ULK4: variants seen among roughly 807,000 people sequenced by gnomAD.
ULK4 encodes the protein inactive serine/threonine-protein kinase ULK4.
ULK4 carries 133 observed loss-of-function variants against 160.6 expected under a neutral mutation model. That is an observed-to-expected ratio of 0.83 (90% CI 0.72 to 0.96). ULK4 has a LOEUF of 0.96. Among genes scored for constraint, ULK4 ranks in the 40% least tolerant of loss-of-function variants. ULK4 has a pLI of 0.00. For missense variants in ULK4, 1,580 were observed against 1,499.5 expected, an observed-to-expected ratio of 1.05 and a Z score of -0.89; for synonymous variants, 534 against 539.8, an observed-to-expected ratio of 0.99 and a Z score of 0.15.
At chr3:41,480,483 C>T (rs987027384) in intron 32 of ULK4, among the ~76,000 whole-genome samples, 2 of 152,202 alleles carry the variant, frequency 1.3e-5, no homozygotes, top group South Asian at 2.1e-4. Flanking sequence ...GCAAAACCAA[C>T]CTCTCCTCTT....
At chr3:41,511,052 A>G (rs2125924004) in intron 32 of ULK4, among the ~76,000 whole-genome samples, 1 of 151,798 alleles carries the variant, frequency 6.6e-6, no homozygotes, top group South Asian at 2.1e-4. Context: ...AGTCCCAGCT[A>G]CTCGGGAGGC....
intron 4 of ULK4, 32 bp downstream of exon 4, chr3:41,935,769 C>A: frequency 6.3e-7 from 1 of 1,584,978 alleles, no homozygotes; most frequent in Admixed American, 1.8e-5. Context: ...GAGACAGAAG[C>A]AGTTAGAAAA....
intron 16 of ULK4, among the ~76,000 whole-genome samples, chr3:41,885,902 TC>T (rs1340052676): frequency 6.6e-6 from 1 of 152,114 alleles, no homozygotes; most frequent in Admixed American, 6.5e-5. Flanking sequence ...GGTGTTGAAC[TC>T]CTGAGCTCAA....
intron 2 of ULK4, among the ~76,000 whole-genome samples, chr3:41,952,702 A>G (rs1279220309): frequency 1.3e-5 from 2 of 152,226 alleles, no homozygotes; most frequent in Non-Finnish European, 2.9e-5. Flanking sequence ...TAGGACCAGC[A>G]ATTCCACTTC....
intron 14 of ULK4, 92 bp downstream of exon 14, chr3:41,898,336 TTTAG>T (rs753004965): frequency 5.3e-6 from 4 of 750,150 alleles, no homozygotes; most frequent in Non-Finnish European, 6.5e-6. Context: ...ACAAAATAAA[TTTAG>T]TTATTCACAT....
At chr3:41,731,494 GGA>G (rs2037820377) in intron 22 of ULK4, among the ~76,000 whole-genome samples, 1 of 151,896 alleles carries the variant, frequency 6.6e-6, no homozygotes. Context: ...ACAAGTAAAT[GGA>G]AAGATACTCC....
At chr3:41,516,802 T>C (rs965977694) in intron 32 of ULK4, among the ~76,000 whole-genome samples, 1 of 152,104 alleles carries the variant, frequency 6.6e-6, no homozygotes, top group African/African-American at 2.4e-5. Context: ...TCAATAATAA[T>C]TGTTTATTTT....
chr3:41,956,979 T>C (rs182001351), intron 1 of ULK4, among the ~76,000 whole-genome samples: 2 of 152,336 alleles, frequency 1.3e-5, no homozygotes, highest in Non-Finnish European at 2.9e-5. Flanking sequence ...ACTTCATCCT[T>C]CACCTAAGGT....
intron 30 of ULK4, among the ~76,000 whole-genome samples, chr3:41,658,639 A>G (rs2035027683): frequency 6.6e-6 from 1 of 152,114 alleles, no homozygotes; most frequent in Non-Finnish European, 1.5e-5. Context: ...CACAGATAGT[A>G]TATGAATTAC....
intron 35 of ULK4, among the ~76,000 whole-genome samples, chr3:41,304,697 A>T (rs1033124143): frequency 6.6e-6 from 1 of 152,252 alleles, no homozygotes; most frequent in Admixed American, 6.5e-5. Context: ...GTAGGAAGGC[A>T]GTGATACTGC....
chr3:41,686,350 T>C (rs750299393), intron 27 of ULK4, among the ~76,000 whole-genome samples: 2 of 152,212 alleles, frequency 1.3e-5, no homozygotes, highest in Non-Finnish European at 2.9e-5. Flanking sequence ...CAGGGTTTCT[T>C]GGAAGAGGAA....
chr3:41,335,655 T>C (rs1575443488), intron 35 of ULK4, among the ~76,000 whole-genome samples: 2 of 151,958 alleles, frequency 1.3e-5, no homozygotes, highest in Admixed American at 6.6e-5. Flanking sequence ...ACCTATCCCA[T>C]GGAAATTGGT....
At chr3:41,958,385 ACTTCAAAAATTAAT>A (rs1700552441) in intron 1 of ULK4, among the ~76,000 whole-genome samples, 4 of 152,066 alleles carry the variant, frequency 2.6e-5, no homozygotes, top group Admixed American at 2.6e-4. Flanking sequence ...ATTTTTTAAG[ACTTCAAAAATTAAT>A]AACAAAACTG....
chr3:41,819,594 T>C (rs574364459), intron 18 of ULK4, 88 bp from the exon 19 acceptor site: 18 of 1,123,186 alleles, frequency 1.6e-5, no homozygotes, highest in Admixed American at 2.2e-5. Context: ...GCTCCAAGTA[T>C]ACAAACTATC....
rs2036169195 is a variant in ULK4, at chr3:41,688,387, C to G, written c.2782-6583G>C. 2.0e-5 allele frequency among the ~76,000 whole-genome samples: 3 copies of G among 152,052 alleles called. No homozygotes were observed. The South Asian group carries it at 6.2e-4, about 31-fold the overall frequency. ...TGAGCCACATAGTGGAACCCCCATC[C>G]CTAAAAAATGAATAAACAAACAAAT... On this transcript the variant is annotated intron_variant, in intron 27 of 36. Transcript: ENST00000301831.
chr3:41,849,372 T>A (rs2042150282), intron 17 of ULK4, among the ~76,000 whole-genome samples: 1 of 152,030 alleles, frequency 6.6e-6, no homozygotes, highest in Non-Finnish European at 1.5e-5. Flanking sequence ...GACACCAGGG[T>A]TGCAAAACAC....
At chr3:41,320,745 T>C (rs1174417003) in intron 35 of ULK4, among the ~76,000 whole-genome samples, 1 of 142,012 alleles carries the variant, frequency 7.0e-6, no homozygotes, top group Non-Finnish European at 1.5e-5. Context: ...GGTGAAACCC[T>C]GTCTCTGCTA....
chr3:41,784,042 A>G (rs2039930140), intron 21 of ULK4, among the ~76,000 whole-genome samples: 1 of 152,182 alleles, frequency 6.6e-6, no homozygotes, highest in African/African-American at 2.4e-5. Context: ...CTTCTTGGTC[A>G]GTCATTCAAG....
chr3:41,305,851 G>A (rs1377013180), intron 35 of ULK4, among the ~76,000 whole-genome samples: 10 of 148,460 alleles, frequency 6.7e-5, no homozygotes, highest in Non-Finnish European at 1.3e-4. Context: ...TCTGAGATGT[G>A]GGGAGCGCCT....
Sources: gnomAD v4.1 joint callset for allele counts (sites outside exome capture counted in the v4.1 genomes callset) on GRCh38, gnomAD v4.1.1 for gene constraint, MANE v1.5 for transcripts, NCBI Gene and HGNC (gene_info 2026-07-23, HGNC 2026-07-21) for gene names.